Variants in CAMK4 observed in about 807,000 individuals in gnomAD.
CAMK4 encodes calcium/calmodulin dependent protein kinase IV.
Under a neutral mutation model 44.9 loss-of-function variants are expected in CAMK4, and 22 were observed. The ratio of observed to expected loss-of-function variants is 0.49; its 90% CI spans 0.35 to 0.70. The LOEUF is 0.70. Ranked by LOEUF, CAMK4 falls within the 30% of genes least tolerant of loss-of-function variation. The pLI is 0.01. For missense variants in CAMK4, 498 were observed against 586.8 expected (o/e 0.85, Z 1.56); for synonymous variants, 218 against 215.4 (o/e 1.01, Z -0.11).
chr5:111,278,059 T>G (rs1323333057), intron 1 of CAMK4, among the ~76,000 whole-genome samples: 1 of 152,250 alleles, frequency 6.6e-6, no homozygotes, highest in Non-Finnish European at 1.5e-5. Flanking sequence ...ACTTATTCTG[T>G]TACTTTATGT....
At chr5:111,444,465 C>A (rs1253729599) in intron 5 of CAMK4, among the ~76,000 whole-genome samples, 2 of 152,150 alleles carry the variant, frequency 1.3e-5, no homozygotes, top group East Asian at 3.9e-4. Flanking sequence ...GCAGGAAACA[C>A]TCCCATGAAG....
chr5:111,320,472 A>G (rs1748614503), intron 1 of CAMK4, among the ~76,000 whole-genome samples: 1 of 151,108 alleles, frequency 6.6e-6, no homozygotes, highest in African/African-American at 2.4e-5. Flanking sequence ...AGTACTATTC[A>G]TATATGATAT....
intron 7 of CAMK4, among the ~76,000 whole-genome samples, chr5:111,467,194 G>A (rs936623009): frequency 1.3e-5 from 2 of 151,998 alleles, no homozygotes; most frequent in Non-Finnish European, 2.9e-5. Flanking sequence ...ACTCAAGATG[G>A]AAGAAGGACT....
At chr5:111,231,876 T>C (rs1308665283) in intron 1 of CAMK4, among the ~76,000 whole-genome samples, 1 of 152,190 alleles carries the variant, frequency 6.6e-6, no homozygotes, top group African/African-American at 2.4e-5. Context: ...CTTGTCCACA[T>C]GCAGAAGGCT....
At chr5:111,348,798 T>C (rs1228723707) in intron 2 of CAMK4, among the ~76,000 whole-genome samples, 7 of 152,018 alleles carry the variant, frequency 4.6e-5, no homozygotes, top group Non-Finnish European at 8.8e-5. Flanking sequence ...AGAAACATAA[T>C]TCAACATTGA....
chr5:111,346,183 C>T (rs1286844271), intron 2 of CAMK4, among the ~76,000 whole-genome samples: 1 of 151,802 alleles, frequency 6.6e-6, no homozygotes, highest in Non-Finnish European at 1.5e-5. Flanking sequence ...GCCTAAGAAT[C>T]TGTTTATAGA....
intron 1 of CAMK4, among the ~76,000 whole-genome samples, chr5:111,323,495 C>T (rs1405416542): frequency 1.3e-5 from 2 of 151,482 alleles, no homozygotes; most frequent in Non-Finnish European, 2.9e-5. Context: ...TTATTGGGAC[C>T]CTGTAAGTCA....
At chr5:111,383,043 G>A (rs1477344362) in intron 4 of CAMK4, among the ~76,000 whole-genome samples, 1 of 152,154 alleles carries the variant, frequency 6.6e-6, no homozygotes, top group East Asian at 1.9e-4. Flanking sequence ...GCCATAAAAT[G>A]AAAGATAGAG....
intron 5 of CAMK4, among the ~76,000 whole-genome samples, chr5:111,428,545 A>G (rs1174397671): frequency 6.6e-6 from 1 of 152,234 alleles, no homozygotes. Flanking sequence ...AATTGAAATA[A>G]TTAGAATCAG....
At chr5:111,235,497 A>G (rs1172215755) in intron 1 of CAMK4, among the ~76,000 whole-genome samples, 1 of 152,148 alleles carries the variant, frequency 6.6e-6, no homozygotes. Flanking sequence ...TTTCCCCTCA[A>G]TGTGAACATG....
intron 5 of CAMK4, among the ~76,000 whole-genome samples, chr5:111,402,650 C>T (rs1426529366): frequency 6.6e-6 from 1 of 152,220 alleles, no homozygotes; most frequent in Non-Finnish European, 1.5e-5. Context: ...GCCTCCCTTG[C>T]AGCTAGGGCA....
At position 111,331,221 on chromosome 5, in the gene CAMK4, T is replaced by A. The variant is rs927126202; in HGVS notation, c.162-12803T>A. On this transcript the variant is annotated intron_variant, in intron 1 of 10. Coordinates refer to ENST00000282356, the MANE Select transcript of CAMK4 (RefSeq NM_001744.6). ...CATATATAACAAATAATCTTGTGTC[T>A]GGAATTTTAAAAAAACATAAAAATA... Among the ~76,000 whole-genome samples, 9 of 151,458 alleles carry A rather than the reference T, an allele frequency of 5.9e-5. No homozygotes were observed. The East Asian group carries it at 1.8e-3, about 30-fold the overall frequency.
At chr5:111,480,249 A>AACACACACACACACACACAC (rs532395570) in intron 9 of CAMK4, among the ~76,000 whole-genome samples, 4,048 of 121,054 alleles carry the variant, frequency 0.033, 121 homozygotes, top group Non-Finnish European at 0.042. Flanking sequence ...TAGGCATGTA[A>AACACACACACACACACACAC]ACACACACAC....
At chr5:111,340,339 A>G (rs1483592834) in intron 1 of CAMK4, among the ~76,000 whole-genome samples, 1 of 151,326 alleles carries the variant, frequency 6.6e-6, no homozygotes, top group East Asian at 1.9e-4. Context: ...ACCATTGAGT[A>G]TATTAGCTGT....
intron 2 of CAMK4, among the ~76,000 whole-genome samples, chr5:111,351,380 T>C (rs1017601415): frequency 6.6e-6 from 1 of 151,864 alleles, no homozygotes; most frequent in African/African-American, 2.4e-5. Flanking sequence ...ACAAGGAAAC[T>C]GGCAACTTGG....
chr5:111,461,426 G>T (rs1018042419), intron 7 of CAMK4, among the ~76,000 whole-genome samples: 1 of 152,110 alleles, frequency 6.6e-6, no homozygotes, highest in Admixed American at 6.5e-5. Flanking sequence ...ATCAAAAATT[G>T]CACCAAGTTT....
chr5:111,468,802 A>AC (rs1231736882), intron 7 of CAMK4, among the ~76,000 whole-genome samples: 1 of 152,000 alleles, frequency 6.6e-6, no homozygotes, highest in Non-Finnish European at 1.5e-5. Context: ...ACATGGTGAA[A>AC]CCCCATCTCT....
At chr5:111,410,093 T>A (rs1752577414) in intron 5 of CAMK4, among the ~76,000 whole-genome samples, 1 of 152,192 alleles carries the variant, frequency 6.6e-6, no homozygotes, top group Admixed American at 6.5e-5. Flanking sequence ...TCCACATTTT[T>A]GGGTATCTTT....
chr5:111,439,186 G>A (rs1165971995), intron 5 of CAMK4, among the ~76,000 whole-genome samples: 1 of 152,168 alleles, frequency 6.6e-6, no homozygotes, highest in Non-Finnish European at 1.5e-5. Flanking sequence ...TGCCCTGCAT[G>A]CTGGAAACTT....
Sources: allele counts gnomAD v4.1 joint callset (sites outside exome capture counted in the v4.1 genomes callset), GRCh38; gene constraint gnomAD v4.1.1; transcripts MANE v1.5; gene names NCBI Gene and HGNC (gene_info 2026-07-23, HGNC 2026-07-21).